The following ERBB4 variants were observed in gnomAD, a reference collection of about 807,000 sequenced individuals.
ERBB4 encodes the protein erb-b2 receptor tyrosine kinase 4.
ERBB4 carries 42 observed loss-of-function variants against 158.0 expected under a neutral mutation model. The ratio of observed to expected loss-of-function variants is 0.27; its 90% CI spans 0.21 to 0.34. The LOEUF is 0.34. Among genes scored for constraint, ERBB4 ranks in the 10% least tolerant of loss-of-function variants. The probability of loss-of-function intolerance (pLI) is 1.00; values close to 1 mark genes in which losing one functional copy is unlikely to be tolerated. For missense variants in ERBB4, 1,333 were observed against 1,624.1 expected (o/e 0.82, Z 3.08); for synonymous variants, 583 against 558.7 (o/e 1.04, Z -0.61).
chr2:211,487,081 T>C (rs1293003223), intron 20 of ERBB4, among the ~76,000 whole-genome samples: 1 of 151,900 alleles, frequency 6.6e-6, no homozygotes, highest in Non-Finnish European at 1.5e-5. Context: ...TGTGCCACGT[T>C]GGTGTGCTGC....
rs1358860025 is a variant in ERBB4, at chr2:211,923,653, C to G, written c.421+23777G>C. Among the ~76,000 whole-genome samples the G allele has an allele frequency of 2.0e-5, 3 of 152,138 alleles. No individual in the cohort carries two copies. In the East Asian group the frequency reaches 5.8e-4, roughly 29 times the overall value. On this transcript the variant is annotated intron_variant, in intron 3 of 27. Coordinates refer to ENST00000342788, the MANE Select transcript of ERBB4 (RefSeq NM_005235.3). Reference sequence around the variant, plus strand: ...GGATAAGAAGTGGTGTACAGAGATGCATCCTTTCCTCAATTTCCACAAGTA... The same window carrying G: ...GGATAAGAAGTGGTGTACAGAGATGGATCCTTTCCTCAATTTCCACAAGTA...
intron 19 of ERBB4, among the ~76,000 whole-genome samples, chr2:211,609,969 T>A (rs541918792): frequency 1.3e-5 from 2 of 150,506 alleles, no homozygotes; most frequent in African/African-American, 5.0e-5. Flanking sequence ...ATTCTCTTGA[T>A]TATTTTGAGG....
chr2:211,767,975 C>A (rs890149878), intron 4 of ERBB4, among the ~76,000 whole-genome samples: 1 of 152,208 alleles, frequency 6.6e-6, no homozygotes, highest in African/African-American at 2.4e-5. Flanking sequence ...AAAGTCTCAT[C>A]TGAGACAAGT....
chr2:211,778,572 A>G (rs939304592), intron 4 of ERBB4: 1 of 152,020 alleles, frequency 6.6e-6, no homozygotes, highest in Non-Finnish European at 1.5e-5. Flanking sequence ...TGAGTGTCTG[A>G]CTTCTCCCCC....
At chr2:212,021,737 TAAAAA>T (rs1182145161) in intron 2 of ERBB4, among the ~76,000 whole-genome samples, 2 of 151,802 alleles carry the variant, frequency 1.3e-5, no homozygotes, top group African/African-American at 4.8e-5. Flanking sequence ...CTAATTAAAC[TAAAAA>T]GCTTCTGCAA....
intron 1 of ERBB4, among the ~76,000 whole-genome samples, chr2:212,173,507 A>T (rs749764237): frequency 2.0e-5 from 3 of 152,150 alleles, no homozygotes; most frequent in Non-Finnish European, 4.4e-5. Context: ...ATTACCCAGG[A>T]AAATTTACTG....
intron 3 of ERBB4, among the ~76,000 whole-genome samples, chr2:211,803,222 A>G (rs1260251865): frequency 6.6e-6 from 1 of 152,192 alleles, no homozygotes; most frequent in Admixed American, 6.5e-5. Flanking sequence ...ATAGTCAAAG[A>G]AAAGTCCATC....
intron 20 of ERBB4, among the ~76,000 whole-genome samples, chr2:211,462,663 C>A (rs1324802477): frequency 6.6e-6 from 1 of 152,142 alleles, no homozygotes; most frequent in Non-Finnish European, 1.5e-5. Flanking sequence ...TGGGCTGTTA[C>A]ACTTCTTAGG....
At chr2:212,435,860 T>C (rs1416662514) in intron 1 of ERBB4, among the ~76,000 whole-genome samples, 1 of 151,890 alleles carries the variant, frequency 6.6e-6, no homozygotes, top group African/African-American at 2.4e-5. Context: ...TTTAATACTA[T>C]GTAAATTGAC....
intron 1 of ERBB4, among the ~76,000 whole-genome samples, chr2:212,483,477 G>A (rs1689813042): frequency 2.0e-5 from 3 of 152,062 alleles, no homozygotes; most frequent in South Asian, 2.1e-4. Flanking sequence ...TGCTAAGGAC[G>A]CTTTCTAAAT....
At chr2:212,355,386 A>G (rs779392158) in intron 1 of ERBB4, among the ~76,000 whole-genome samples, 12 of 152,056 alleles carry the variant, frequency 7.9e-5, no homozygotes, top group Non-Finnish European at 1.6e-4. Flanking sequence ...GGTTTGAAGT[A>G]AACTATGAAG....
intron 1 of ERBB4, among the ~76,000 whole-genome samples, chr2:212,164,673 T>C (rs1452277711): frequency 7.6e-6 from 1 of 131,530 alleles, no homozygotes; most frequent in Non-Finnish European, 1.6e-5. Context: ...AATTCCTCAT[T>C]TTGATTTTTA....
intron 1 of ERBB4, among the ~76,000 whole-genome samples, chr2:212,161,883 A>G (rs1180683721): frequency 1.3e-5 from 2 of 151,838 alleles, no homozygotes; most frequent in Admixed American, 1.3e-4. Context: ...ATGATCTAAA[A>G]ATTCCTTATT....
At chr2:212,511,677 A>G (rs1691528021) in intron 1 of ERBB4, among the ~76,000 whole-genome samples, 1 of 152,160 alleles carries the variant, frequency 6.6e-6, no homozygotes, top group Non-Finnish European at 1.5e-5. Context: ...AGGAAGAGGA[A>G]TATATTTGAA....
intron 1 of ERBB4, among the ~76,000 whole-genome samples, chr2:212,503,393 C>T (rs1423202599): frequency 6.6e-6 from 1 of 152,164 alleles, no homozygotes; most frequent in Non-Finnish European, 1.5e-5. Flanking sequence ...ATAATATAGC[C>T]TCTTTTCCTA....
intron 7 of ERBB4, among the ~76,000 whole-genome samples, chr2:211,716,600 C>G (rs1028124207): frequency 6.6e-6 from 1 of 151,632 alleles, no homozygotes; most frequent in Non-Finnish European, 1.5e-5. Flanking sequence ...GGCGTGAACC[C>G]GGGAGGCGGA....
chr2:211,901,045 A>G (rs2079221238), intron 3 of ERBB4, among the ~76,000 whole-genome samples: 1 of 152,168 alleles, frequency 6.6e-6, no homozygotes. Context: ...ATATACTATA[A>G]AATGTTTTCT....
At chr2:212,136,228 G>C (rs1412051490) in intron 1 of ERBB4, among the ~76,000 whole-genome samples, 2 of 152,290 alleles carry the variant, frequency 1.3e-5, no homozygotes, top group East Asian at 1.9e-4. Flanking sequence ...GATTTCTTAA[G>C]CATTGATAAA....
chr2:211,543,489 T>C (rs936707691), intron 20 of ERBB4, among the ~76,000 whole-genome samples: 1 of 152,168 alleles, frequency 6.6e-6, no homozygotes, highest in East Asian at 1.9e-4. Flanking sequence ...TAGTTATTTG[T>C]TTCTTTGTTT....
Sources: gnomAD v4.1 joint callset for allele counts (sites outside exome capture counted in the v4.1 genomes callset) on GRCh38, gnomAD v4.1.1 for gene constraint, MANE v1.5 for transcripts, NCBI Gene and HGNC (gene_info 2026-07-23, HGNC 2026-07-21) for gene names.